Variants in RTRAF observed in about 807,000 individuals in gnomAD.
The protein encoded by RTRAF is RNA transcription, translation and transport factor.
A neutral mutation model predicts 34.4 loss-of-function variants in RTRAF; 14 were observed. The ratio of observed to expected loss-of-function variants is 0.41; its 90% CI spans 0.27 to 0.64. The LOEUF is 0.64. Ranked by LOEUF, RTRAF falls within the 30% of genes least tolerant of loss-of-function variation. The pLI, the probability that RTRAF is intolerant of heterozygous loss-of-function variation, is 0.34. For missense variants in RTRAF, 291 were observed against 288.4 expected (o/e 1.01, Z -0.06); for synonymous variants, 96 against 95.3 (o/e 1.01, Z -0.04).
At chr14:52,004,315 A>AATGT in intron 7 of RTRAF, 47 bp from the exon 8 acceptor site, 1 of 1,594,972 alleles carries the variant, frequency 6.3e-7, no homozygotes, top group Non-Finnish European at 8.6e-7. Context: ...AATGGCCTTA[A>AATGT]ATGTAAAAAT....
At chr14:51,994,873 A>G (rs1183925938) in intron 3 of RTRAF, among the ~76,000 whole-genome samples, 2 of 151,578 alleles carry the variant, frequency 1.3e-5, no homozygotes, top group Non-Finnish European at 2.9e-5. Flanking sequence ...TTTATATCCC[A>G]TTTCCCCCTC....
In RTRAF at chr14:52,005,223, A is replaced by C. The variant is rs887386267; in HGVS notation, c.*707A>C. 1 of 355,848 alleles carries C rather than the reference A, an allele frequency of 2.8e-6. No individual in the cohort carries two copies. Among genetic ancestry groups the C allele is most frequent in the Non-Finnish European group, 5.0e-6 (1 of 198,606 alleles). The allele number at this position is 355,848 out of a possible 1,614,324, so 22.0% of individuals were successfully genotyped here. On this transcript the variant is annotated 3_prime_UTR_variant, in exon 8 of 8. Coordinates refer to ENST00000261700, the MANE Select transcript of RTRAF (RefSeq NM_016039.3). ...TAAATATTAATGATAAATGTTTACAAGAAGTTGCTTTAATAAGCAACAGTT... is the reference window on the plus strand; with the variant it reads ...TAAATATTAATGATAAATGTTTACACGAAGTTGCTTTAATAAGCAACAGTT...
chr14:52,004,709 A>G lies in RTRAF; in HGVS notation c.*193A>G, dbSNP rs1047797550. 3.8e-6 allele frequency: 2 copies of G among 524,936 alleles called. No homozygotes were observed. The highest frequency in any genetic ancestry group is 6.5e-6 in the Non-Finnish European group (2 of 308,330). The allele number at this position is 524,936 out of a possible 1,614,324, so 32.5% of individuals were successfully genotyped here. Reference sequence around the variant, plus strand: ...TAGGAAAGTAGAATTTTTATTATGTACTGTATGTTTGCATAAATCACCTTT... The same window carrying G: ...TAGGAAAGTAGAATTTTTATTATGTGCTGTATGTTTGCATAAATCACCTTT... On this transcript the variant is annotated 3_prime_UTR_variant, in exon 8 of 8. Transcript: ENST00000261700.
At position 52,006,273 on chromosome 14, in the gene RTRAF, G is replaced by A; in HGVS notation, c.*1757G>A. On this transcript the variant is annotated 3_prime_UTR_variant, in exon 8 of 8. Transcript: ENST00000261700. ...TTTAGATTAATATGCTCCCTTTTGA[G>A]ACATTATCCAATAGCTTTGCTACTT... 1 of 434,344 alleles carries A rather than the reference G, an allele frequency of 2.3e-6. No homozygotes were observed. The highest frequency in any genetic ancestry group is 4.2e-6 in the Non-Finnish European group (1 of 237,826). The allele number at this position is 434,344 out of a possible 1,614,324, so 26.9% of individuals were successfully genotyped here.
At chr14:51,996,209 G>A (rs1202072123) in intron 3 of RTRAF, among the ~76,000 whole-genome samples, 1 of 152,084 alleles carries the variant, frequency 6.6e-6, no homozygotes, top group African/African-American at 2.4e-5. Flanking sequence ...ATACTTGAAG[G>A]TGAATGGTAT....
At position 52,010,060 on chromosome 14, in the gene RTRAF, G is replaced by GT. The variant is rs932239917; in HGVS notation, c.*5549dup. On this transcript the variant is annotated 3_prime_UTR_variant, in exon 8 of 8. Coordinates refer to ENST00000261700, the MANE Select transcript of RTRAF (RefSeq NM_016039.3). ...TCAGAAAGGCAAGCCTATGCAAAGA[G>GT]TTTTTAAGAGGGCTATTAATTCCTG... The GT allele has an allele frequency of 6.6e-6, 1 of 152,194 alleles. No individual in the cohort carries two copies. The highest frequency in any genetic ancestry group is 1.5e-5 in the Non-Finnish European group (1 of 68,036). 9.4% of individuals were successfully genotyped at this position (152,194 alleles called of 1,614,324 possible). A position where few individuals can be genotyped will look rare whatever the true frequency, so the allele number is the denominator to read the frequency against.
rs1056537238 is a variant in RTRAF, at chr14:52,006,066, C to G, written c.*1550C>G. 4 of 543,758 alleles carry G rather than the reference C, an allele frequency of 7.4e-6. No individual in the cohort carries two copies. In the African/African-American group the frequency reaches 7.6e-5, roughly 10 times the overall value. The allele number at this position is 543,758 out of a possible 1,614,324, so 33.7% of individuals were successfully genotyped here. A position where few individuals can be genotyped will look rare whatever the true frequency, so the allele number is the denominator to read the frequency against. ...AGAATCACATGATGAGCTATCAAAT[C>G]AGAGTTGTAGGGCATGGTGTAAAGG... On this transcript the variant is annotated 3_prime_UTR_variant, in exon 8 of 8. Transcript: ENST00000261700.
At chr14:51,992,155 T>C (rs905512171) in intron 2 of RTRAF, among the ~76,000 whole-genome samples, 27 of 152,212 alleles carry the variant, frequency 1.8e-4, no homozygotes, top group Non-Finnish European at 3.2e-4. Flanking sequence ...TGAATCATTT[T>C]CCCATTGATT....
chr14:51,991,229 C>T lies in RTRAF; in HGVS notation c.62-88C>T, dbSNP rs1356061109. On this transcript the variant is annotated intron_variant, in intron 1 of 7. Coordinates refer to ENST00000261700, the MANE Select transcript of RTRAF (RefSeq NM_016039.3). Reference sequence around the variant, plus strand: ...TTAGTATTTTGAAGTTAAGAAAATTCCACAAGAACATATATCTGAACATAT... The same window carrying T: ...TTAGTATTTTGAAGTTAAGAAAATTTCACAAGAACATATATCTGAACATAT... 2.9e-6 allele frequency: 4 copies of T among 1,362,642 alleles called. No individual in the cohort carries two copies. In the African/African-American group the frequency reaches 4.4e-5, roughly 15 times the overall value. 84.4% of individuals were successfully genotyped at this position (1,362,642 alleles called of 1,614,324 possible).
rs1320416126 is a variant in RTRAF at position 52,006,000 on chromosome 14, ACCATTGCTCTAAAT to A, written c.*1494_*1507del. The A allele has an allele frequency of 2.5e-5, 16 of 627,520 alleles. No individual in the cohort carries two copies. The highest frequency in any genetic ancestry group is 1.1e-4 in the South Asian group (6 of 55,444). The allele number at this position is 627,520 out of a possible 1,614,324, so 38.9% of individuals were successfully genotyped here. A position where few individuals can be genotyped will look rare whatever the true frequency, so the allele number is the denominator to read the frequency against. ...GCTAAAGCCATACTGAAGTTTGAAG[ACCATTGCTCTAAAT>A]CCATTGCTCATCTCTAGCTGCATGT... On this transcript the variant is annotated 3_prime_UTR_variant, in exon 8 of 8. Transcript: ENST00000261700.
chr14:51,992,568 A>G (rs1001020704), intron 2 of RTRAF, among the ~76,000 whole-genome samples: 3 of 152,208 alleles, frequency 2.0e-5, no homozygotes, highest in African/African-American at 7.2e-5. Flanking sequence ...ATACTACTGT[A>G]TTCTTTTCCT....
chr14:52,001,155 T>A (rs1432222886), intron 5 of RTRAF, among the ~76,000 whole-genome samples: 1 of 152,108 alleles, frequency 6.6e-6, no homozygotes, highest in African/African-American at 2.4e-5. Context: ...TATTTAAAAA[T>A]TATAGTTTAA....
Position 52,007,765 on chromosome 14 carries a change from A to C in RTRAF, c.*3249A>C, listed in dbSNP as rs1270118554. 6.6e-7 allele frequency: 1 copy of C among 1,511,640 alleles called. No homozygotes were observed. Among genetic ancestry groups the C allele is most frequent in the South Asian group, 1.2e-5 (1 of 86,056 alleles). 93.6% of individuals were successfully genotyped at this position (1,511,640 alleles called of 1,614,324 possible). A position where few individuals can be genotyped will look rare whatever the true frequency, so the allele number is the denominator to read the frequency against. On this transcript the variant is annotated 3_prime_UTR_variant, in exon 8 of 8. Coordinates refer to ENST00000261700, the MANE Select transcript of RTRAF (RefSeq NM_016039.3). ...GTAAAATCTGTTAGTGCTCACATTCACTGTGATGAGAGGTTATCTATTTGC... is the reference window on the plus strand; with the variant it reads ...GTAAAATCTGTTAGTGCTCACATTCCCTGTGATGAGAGGTTATCTATTTGC...
intron 2 of RTRAF, among the ~76,000 whole-genome samples, chr14:51,992,016 A>G (rs1293954386): frequency 2.6e-5 from 4 of 152,190 alleles, no homozygotes; most frequent in African/African-American, 9.7e-5. Context: ...TCAAAAAAAG[A>G]CATTATTGAG....
Position 52,001,226 on chromosome 14 carries a change from A to T in RTRAF, c.463-572A>T, listed in dbSNP as rs73301048. Among the ~76,000 whole-genome samples, 1,021 of 150,916 alleles carry T rather than the reference A, an allele frequency of 6.8e-3. 12 individuals carry two copies. Among genetic ancestry groups the T allele is most frequent in the African/African-American group, 0.023 (973 of 41,500 alleles). ...TTCCTAATTAAAATTCCATTTTTTT[A>T]AAATTTGATTTTTAAGTGTGTATGG... is the stretch of plus-strand genomic sequence containing the variant. On this transcript the variant is annotated intron_variant, in intron 5 of 7. Transcript: ENST00000261700.
rs561383838 is a variant in RTRAF, at chr14:51,991,940, G to A, written c.186+499G>A. ...AAGTTATCTGGGTGTGCTGGCCTGT[G>A]TCTGTAGTGTCAGCTAATTGGGAGG... On this transcript the variant is annotated intron_variant, in intron 2 of 7. Coordinates refer to ENST00000261700, the MANE Select transcript of RTRAF (RefSeq NM_016039.3). Among the ~76,000 whole-genome samples, 3 of 152,216 alleles carry A rather than the reference G, an allele frequency of 2.0e-5. No individual in the cohort carries two copies. The East Asian group carries it at 5.8e-4, about 29-fold the overall frequency.
Position 52,008,172 on chromosome 14 carries a change from C to T in RTRAF, c.*3656C>T. ...TAGGCTATCACTGCCGATATTCGGT[C>T]TCAAAAAACTGGTTTCTGCCTTAGG... On this transcript the variant is annotated 3_prime_UTR_variant, in exon 8 of 8. Transcript: ENST00000261700. 1 of 457,576 alleles carries T rather than the reference C, an allele frequency of 2.2e-6. No homozygotes were observed. The highest frequency in any genetic ancestry group is 3.6e-5 in the East Asian group (1 of 27,478). The allele number at this position is 457,576 out of a possible 1,614,324, so 28.3% of individuals were successfully genotyped here. A position where few individuals can be genotyped will look rare whatever the true frequency, so the allele number is the denominator to read the frequency against.
At chr14:51,991,264 G>C in intron 1 of RTRAF, 53 bp from the exon 2 acceptor site, 3 of 1,536,484 alleles carry the variant, frequency 2.0e-6, no homozygotes, top group Non-Finnish European at 2.7e-6. Flanking sequence ...TACCTGAGAA[G>C]GAGGTATTTT....
In RTRAF at chr14:52,005,065, C is replaced by CAACTGTCAAGGTTT. The variant is rs1555361285; in HGVS notation, c.*551_*564dup. The CAACTGTCAAGGTTT allele has an allele frequency of 6.2e-6, 1 of 160,798 alleles. No homozygotes were observed. The allele number at this position is 160,798 out of a possible 1,614,324, so 10.0% of individuals were successfully genotyped here. A position where few individuals can be genotyped will look rare whatever the true frequency, so the allele number is the denominator to read the frequency against. On this transcript the variant is annotated 3_prime_UTR_variant, in exon 8 of 8. Coordinates refer to ENST00000261700, the MANE Select transcript of RTRAF (RefSeq NM_016039.3). ...CCCATCAGTTCTGCATTGGCTTCTC[C>CAACTGTCAAGGTTT]AACTGTCAAGGTTTAGGATTATATT... is the stretch of plus-strand genomic sequence containing the variant.
Sources: gnomAD v4.1 joint callset for allele counts (sites outside exome capture counted in the v4.1 genomes callset) on GRCh38, gnomAD v4.1.1 for gene constraint, MANE v1.5 for transcripts, NCBI Gene and HGNC (gene_info 2026-07-23, HGNC 2026-07-21) for gene names.